Variants in IQGAP3 observed in about 807,000 individuals in gnomAD.
The protein encoded by IQGAP3 is IQ motif containing GTPase activating protein 3.
Under a neutral mutation model 208.2 loss-of-function variants are expected in IQGAP3, and 165 were observed. The observed-to-expected ratio is 0.79, with a 90% CI of 0.70 to 0.90. The LOEUF (loss-of-function observed/expected upper bound fraction) is 0.90, where lower values mean the gene tolerates loss of function less well. Among genes scored for constraint, IQGAP3 ranks in the 40% least tolerant of loss-of-function variants. The pLI is 0.00. For missense variants in IQGAP3, 1,811 were observed against 2,043.1 expected, an observed-to-expected ratio of 0.89 and a Z score of 2.19; for synonymous variants, 703 against 803.6, an observed-to-expected ratio of 0.87 and a Z score of 2.12.
intron 27 of IQGAP3, among the ~76,000 whole-genome samples, chr1:156,535,796 C>G (rs1287251854): frequency 6.6e-6 from 1 of 152,186 alleles, no homozygotes; most frequent in East Asian, 1.9e-4. Context: ...CACCACCAAC[C>G]AGAGATATTA....
rs772598885 is a variant in IQGAP3 at position 156,539,018 on chromosome 1, C to T, written c.3072G>A (p.Gln1024=). The T allele has an allele frequency of 6.2e-7, 1 of 1,613,848 alleles. No homozygotes were observed. Among genetic ancestry groups the T allele is most frequent in the Admixed American group, 1.7e-5 (1 of 60,000 alleles). Residue 1024 remains glutamine (Q), a synonymous_variant, in exon 26 of 38, where the codon CAG becomes CAA. Transcript: ENST00000361170. ...GGTTGCCTGTCACCACGTCCTGGGGCTGCTCCACCTTTGACCTGTGGTTTA... is the reference window on the plus strand; with the variant it reads ...GGTTGCCTGTCACCACGTCCTGGGGTTGCTCCACCTTTGACCTGTGGTTTA... ...LQEEIKSKVE[Q]PQDVVTGNPT...
rs757064178 is a variant in IQGAP3 at position 156,572,562 on chromosome 1, C to T, written c.-33G>A. The T allele has an allele frequency of 2.5e-6, 4 of 1,612,040 alleles. No individual in the cohort carries two copies. The highest frequency in any genetic ancestry group is 3.3e-5 in the Admixed American group (2 of 60,028). On this transcript the variant is annotated 5_prime_UTR_variant, in exon 1 of 38. Transcript: ENST00000361170. The stretch of plus-strand genomic sequence containing the variant: ...CTTCTTCCAGGTTTGAATCTCCCGC[C>T]GTTGGGCCACCGCCCCTCACCGTCG...
At chr1:156,543,669 AGAG>A (rs1171652683) in intron 22 of IQGAP3, among the ~76,000 whole-genome samples, 1 of 152,204 alleles carries the variant, frequency 6.6e-6, no homozygotes, top group East Asian at 1.9e-4. Context: ...AGAGGACTGG[AGAG>A]GAGAAGGTTG....
intron 4 of IQGAP3, among the ~76,000 whole-genome samples, chr1:156,565,089 G>A (rs768509004): frequency 2.0e-5 from 3 of 152,194 alleles, no homozygotes; most frequent in Non-Finnish European, 4.4e-5. Context: ...TGCCAGAGAT[G>A]TGGTATGCTG....
intron 1 of IQGAP3, among the ~76,000 whole-genome samples, chr1:156,572,290 A>G (rs1393293130): frequency 1.3e-5 from 2 of 152,096 alleles, no homozygotes; most frequent in East Asian, 1.9e-4. Context: ...AGCGCAGCAC[A>G]TTAGTCAGGG....
intron 19 of IQGAP3, 78 bp from the exon 20 acceptor site, chr1:156,544,550 C>G: frequency 8.0e-7 from 1 of 1,250,004 alleles, no homozygotes; most frequent in Non-Finnish European, 1.2e-6. Flanking sequence ...AATCTTTGTC[C>G]TGGGCCCTCC....
intron 30 of IQGAP3, 26 bp downstream of exon 30, chr1:156,533,983 A>G (rs753049743): frequency 1.3e-5 from 21 of 1,612,596 alleles, no homozygotes; most frequent in East Asian, 2.2e-5. Flanking sequence ...CACCCAGCCA[A>G]CACCCTCCAG....
intron 13 of IQGAP3, among the ~76,000 whole-genome samples, chr1:156,553,580 C>CTTTTTTTTT (rs11316423): frequency 2.3e-5 from 2 of 88,044 alleles, no homozygotes; most frequent in Admixed American, 1.3e-4. Context: ...TTCTTTCTTT[C>CTTTTTTTTT]TTTTTTTTTT....
At position 156,563,743 on chromosome 1, in the gene IQGAP3, G is replaced by A. The variant is rs763380967; in HGVS notation, c.505+14C>T. ...TGCCCAGGCTGTGGTGGTCAGGGAA[G>A]GAGCTGGGCTTACCTGTGAATTTCA... is the stretch of plus-strand genomic sequence containing the variant. On this transcript the variant is annotated intron_variant, in intron 6 of 37. Transcript: ENST00000361170. 1.2e-6 allele frequency: 2 copies of A among 1,613,122 alleles called. No homozygotes were observed. Among genetic ancestry groups the A allele is most frequent in the South Asian group, 1.1e-5 (1 of 90,898 alleles).
chr1:156,529,611 C>G (rs1467053277), intron 34 of IQGAP3, among the ~76,000 whole-genome samples: 1 of 151,808 alleles, frequency 6.6e-6, no homozygotes, highest in Admixed American at 6.6e-5. Flanking sequence ...ATGGTGAAAC[C>G]CTGTCTCTAC....
chr1:156,526,906 C>T (rs1044641637), intron 37 of IQGAP3, among the ~76,000 whole-genome samples: 3 of 151,990 alleles, frequency 2.0e-5, no homozygotes, highest in South Asian at 2.1e-4. Flanking sequence ...GATCTCGGAT[C>T]GCTGCAATCT....
intron 2 of IQGAP3, among the ~76,000 whole-genome samples, chr1:156,566,865 T>C (rs1676423298): frequency 6.6e-6 from 1 of 151,154 alleles, no homozygotes; most frequent in Non-Finnish European, 1.5e-5. Context: ...TACATGCTTT[T>C]TTTTTTTTTT....
chr1:156,566,445 G>A lies in IQGAP3; in HGVS notation c.227C>T (p.Ala76Val), dbSNP rs200654648. ...CTTCTTCAAGGGAACCACGGAGGGT[G>A]CAAAACAGTGGCCTAGCTTGGCCAG... Reference protein sequence around the residue: ...VLLAKLGHCFAPSVVPLKKIY... With the variant: ...VLLAKLGHCFVPSVVPLKKIY... Residue 76 changes from alanine (A) to valine (V), a missense_variant, in exon 3 of 38, where the codon GCA becomes GTA. By Grantham distance (64) the Ala-to-Val change is moderately conservative. Coordinates refer to ENST00000361170, the MANE Select transcript of IQGAP3 (RefSeq NM_178229.5). 5.0e-6 allele frequency: 8 copies of A among 1,614,140 alleles called. No individual in the cohort carries two copies. Among genetic ancestry groups the A allele is most frequent in the Middle Eastern group, 1.6e-4 (1 of 6,062 alleles).
chr1:156,570,684 G>GT (rs1676609254), intron 1 of IQGAP3, among the ~76,000 whole-genome samples: 1 of 151,966 alleles, frequency 6.6e-6, no homozygotes, highest in African/African-American at 2.4e-5. Context: ...TAATTCTTGC[G>GT]TTTTTTGTTG....
At chr1:156,527,052 T>C (rs12732658) in intron 37 of IQGAP3, among the ~76,000 whole-genome samples, 56,205 of 150,530 alleles carry the variant, frequency 0.37, 10,841 homozygotes, top group East Asian at 0.67. Flanking sequence ...AGGCTGGTCT[T>C]GAACTGCTGA....
At chr1:156,562,257 G>T (rs760282074) in intron 9 of IQGAP3, among the ~76,000 whole-genome samples, 1 of 151,904 alleles carries the variant, frequency 6.6e-6, no homozygotes, top group Non-Finnish European at 1.5e-5. Flanking sequence ...CCTTCACACG[G>T]CTCCTACCCA....
rs760838923 is a variant in IQGAP3, at chr1:156,548,481, G to A, written c.2000C>T (p.Thr667Ile). Residue 667 changes from threonine (T) to isoleucine (I), a missense_variant, in exon 18 of 38, where the codon ACA becomes ATA. By Grantham distance (89) the Thr-to-Ile change is moderately conservative (BLOSUM62 -1). Transcript: ENST00000361170. Reference sequence around the variant, plus strand: ...CATGTCATGTTGAACCCAGAAAGCTGTGTCTGCTAAGCAGAAACCAAGCAA... The same window carrying A: ...CATGTCATGTTGAACCCAGAAAGCTATGTCTGCTAAGCAGAAACCAAGCAA... ...AMAKKQRPADTAFWVQHDMKD... is the reference protein window; with the variant it reads ...AMAKKQRPADIAFWVQHDMKD... 6 of 1,613,576 alleles carry A rather than the reference G, an allele frequency of 3.7e-6. No homozygotes were observed. The South Asian group carries it at 5.5e-5, about 15-fold the overall frequency.
chr1:156,540,973 C>A, intron 22 of IQGAP3, 57 bp from the exon 23 acceptor site: 1 of 1,440,386 alleles, frequency 6.9e-7, no homozygotes, highest in African/African-American at 1.4e-5. Context: ...GGCCTCCTCA[C>A]CAGCCCCTGC....
chr1:156,546,792 T>C (rs1012190659), intron 19 of IQGAP3, among the ~76,000 whole-genome samples: 3 of 152,130 alleles, frequency 2.0e-5, no homozygotes, highest in African/African-American at 7.2e-5. Context: ...AGCTCTCAAT[T>C]ACCCCCCAAC....
Sources: gnomAD v4.1 joint callset for allele counts (sites outside exome capture counted in the v4.1 genomes callset) on GRCh38, gnomAD v4.1.1 for gene constraint, MANE v1.5 for transcripts, NCBI Gene and HGNC (gene_info 2026-07-23, HGNC 2026-07-21) for gene names.